MTRR: variants seen among roughly 807,000 people sequenced by gnomAD.
The protein encoded by MTRR is methionine synthase reductase.
Under a neutral mutation model 79.2 loss-of-function variants are expected in MTRR, and 63 were observed. The observed-to-expected ratio is 0.80, with a 90% CI of 0.65 to 0.98. The LOEUF is 0.98. MTRR is among the 50% of genes least tolerant of loss of function. The pLI is 0.00. For missense variants in MTRR, 895 were observed against 839.6 expected (o/e 1.07, Z -0.82); for synonymous variants, 355 against 313.3 (o/e 1.13, Z -1.41).
At chr5:7,862,818 C>T in intron 2 of MTRR, 1 of 1,607,702 alleles carries the variant, frequency 6.2e-7, no homozygotes, top group Non-Finnish European at 8.5e-7. Context: ...CCTTATACTA[C>T]TTACCTATTG....
chr5:7,876,724 T>G (rs1007375908), intron 4 of MTRR, among the ~76,000 whole-genome samples: 1 of 152,200 alleles, frequency 6.6e-6, no homozygotes, highest in African/African-American at 2.4e-5. Context: ...TAGTTAAGCT[T>G]TTTGTTCCTT....
chr5:7,876,692 C>T (rs1734614791), intron 4 of MTRR, among the ~76,000 whole-genome samples: 1 of 152,258 alleles, frequency 6.6e-6, no homozygotes, highest in Non-Finnish European at 1.5e-5. Context: ...CCCCCACTTA[C>T]TGACTGAGAT....
intron 1 of MTRR, chr5:7,859,561 A>G (rs771208344): frequency 6.8e-7 from 1 of 1,473,710 alleles, no homozygotes; most frequent in South Asian, 1.2e-5. Context: ...GAAAAGTAAA[A>G]CTGGTCAAGA....
chr5:7,884,413 C>G (rs569214768), intron 6 of MTRR, among the ~76,000 whole-genome samples: 6 of 152,216 alleles, frequency 3.9e-5, no homozygotes, highest in Non-Finnish European at 5.9e-5. Flanking sequence ...ACATCCTCCC[C>G]TACACTTTAA....
intron 4 of MTRR, among the ~76,000 whole-genome samples, chr5:7,875,611 A>G (rs1224083790): frequency 6.6e-6 from 1 of 152,250 alleles, no homozygotes; most frequent in Non-Finnish European, 1.5e-5. Flanking sequence ...AGAGTTAGAA[A>G]AGGTGCTCCA....
At chr5:7,879,654 C>G (rs935311877) in intron 5 of MTRR, among the ~76,000 whole-genome samples, 4 of 151,990 alleles carry the variant, frequency 2.6e-5, no homozygotes, top group Non-Finnish European at 4.4e-5. Context: ...TGTAGGGCAT[C>G]CTCTTGGGAC....
At chr5:7,889,048 T>C (rs767001816) in intron 8 of MTRR, 47 bp from the exon 9 acceptor site, 1 of 1,609,920 alleles carries the variant, frequency 6.2e-7, no homozygotes, top group Admixed American at 1.7e-5. Flanking sequence ...TTCTAATAGC[T>C]CTACCCACAA....
At chr5:7,893,886 T>C (rs939283118) in intron 11 of MTRR, among the ~76,000 whole-genome samples, 1 of 152,188 alleles carries the variant, frequency 6.6e-6, no homozygotes, top group Non-Finnish European at 1.5e-5. Flanking sequence ...TTTATTGTGT[T>C]CTCTATACAT....
At chr5:7,864,730 A>G (rs1360102941), upstream of MTRR, among the ~76,000 whole-genome samples, 1 of 152,192 alleles carries the variant, frequency 6.6e-6, no homozygotes, top group Non-Finnish European at 1.5e-5. Flanking sequence ...TAAAGAGACT[A>G]CTAACACACT....
At chr5:7,866,750 G>C, upstream of MTRR, 1 of 1,614,040 alleles carries the variant, frequency 6.2e-7, no homozygotes, top group Non-Finnish European at 8.5e-7. Flanking sequence ...TAATGATTTG[G>C]GTGGAAAATA....
At chr5:7,867,632 T>C (rs1747092538), upstream of MTRR, 2 of 1,614,244 alleles carry the variant, frequency 1.2e-6, no homozygotes, top group Non-Finnish European at 1.7e-6. Context: ...CAGTATTTCT[T>C]TTGGCAGCCC....
chr5:7,872,448 T>C (rs1242592817), intron 2 of MTRR: 3 of 242,954 alleles, frequency 1.2e-5, no homozygotes, highest in African/African-American at 6.9e-5. Flanking sequence ...CTATATGAAA[T>C]ATTTAAACTT....
At chr5:7,873,591 C>G (rs1561158824) in intron 3 of MTRR, 65 bp downstream of exon 3, 2 of 1,548,198 alleles carry the variant, frequency 1.3e-6, no homozygotes, top group Admixed American at 3.3e-5. Flanking sequence ...TCTGAATTAT[C>G]TTTCAGAACT....
In MTRR at chr5:7,897,267, A is replaced by C; in HGVS notation, c.1952+20A>C. ...GTGTGGGTGAGTCATTATCGTGCCT[A>C]AGTCGGGTAGGAGAGGGCCATCAGT... On this transcript the variant is annotated intron_variant, in intron 14 of 14. Transcript: ENST00000440940. The C allele has an allele frequency of 6.2e-7, 1 of 1,613,742 alleles. No individual in the cohort carries two copies. The highest frequency in any genetic ancestry group is 2.2e-5 in the East Asian group (1 of 44,862).
At chr5:7,874,629 G>T in intron 3 of MTRR, among the ~76,000 whole-genome samples, 1 of 130,196 alleles carries the variant, frequency 7.7e-6, no homozygotes, top group African/African-American at 2.9e-5. Flanking sequence ...AGACATAGAA[G>T]CAATTCTTGA....
upstream of MTRR, chr5:7,851,077 G>T: frequency 8.1e-7 from 1 of 1,234,800 alleles, no homozygotes; most frequent in Non-Finnish European, 1.0e-6. Context: ...CCGCCCAGGG[G>T]CCCAGTCGGA....
intron 10 of MTRR, 41 bp from the exon 11 acceptor site, chr5:7,892,686 T>C (rs199911046): frequency 1.2e-4 from 193 of 1,592,676 alleles, no homozygotes; most frequent in Middle Eastern, 1.7e-4. Context: ...TGTGTAGTAG[T>C]ACTGATATCG....
intron 1 of MTRR, chr5:7,861,482 C>T (rs954984964): frequency 3.5e-6 from 3 of 852,188 alleles, no homozygotes; most frequent in Non-Finnish European, 5.0e-6. Flanking sequence ...TTTTAATTTC[C>T]AGAATCATAT....
chr5:7,887,182 T>C (rs1260595419), intron 8 of MTRR, among the ~76,000 whole-genome samples: 2 of 152,288 alleles, frequency 1.3e-5, no homozygotes, highest in East Asian at 3.9e-4. Flanking sequence ...CATAACTATT[T>C]ATTGCTGTAA....
Sources: gnomAD v4.1 joint callset for allele counts (sites outside exome capture counted in the v4.1 genomes callset) on GRCh38, gnomAD v4.1.1 for gene constraint, MANE v1.5 for transcripts, NCBI Gene and HGNC (gene_info 2026-07-23, HGNC 2026-07-21) for gene names.